KIF20B: variants seen among roughly 807,000 people sequenced by gnomAD.
KIF20B encodes kinesin family member 20B.
KIF20B carries 188 observed loss-of-function variants against 232.5 expected under a neutral mutation model. The ratio of observed to expected loss-of-function variants is 0.81; its 90% CI spans 0.72 to 0.91. KIF20B has a LOEUF of 0.91. Ranked by LOEUF, KIF20B falls within the 40% of genes least tolerant of loss-of-function variation. KIF20B has a pLI of 0.00. For synonymous variants in KIF20B, 712 were observed against 683.0 expected (o/e 1.04, Z -0.66); for missense variants, 2,154 against 2,055.9 (o/e 1.05, Z -0.92).
intron 8 of KIF20B, 44 bp from the exon 9 acceptor site, chr10:89,716,392 C>G (rs1454120888): frequency 1.2e-5 from 10 of 833,958 alleles, no homozygotes; most frequent in Admixed American, 1.1e-4. Context: ...AGAACACATT[C>G]TTTGTCTCAA....
intron 13 of KIF20B, among the ~76,000 whole-genome samples, chr10:89,719,914 A>C (rs1162068825): frequency 6.6e-6 from 1 of 152,188 alleles, no homozygotes; most frequent in Admixed American, 6.5e-5. Context: ...TTACCATTTT[A>C]TGAGTATGTG....
chr10:89,761,938 G>A (rs927154402), intron 28 of KIF20B, among the ~76,000 whole-genome samples: 5 of 152,192 alleles, frequency 3.3e-5, no homozygotes, highest in Middle Eastern at 3.4e-3. Context: ...GTATGTTCTT[G>A]CCTTCATGTA....
intron 31 of KIF20B, among the ~76,000 whole-genome samples, chr10:89,769,318 G>A (rs1842424421): frequency 6.6e-6 from 1 of 151,798 alleles, no homozygotes; most frequent in South Asian, 2.1e-4. Context: ...GTTTTTGGTT[G>A]GGGCAGGAAA....
chr10:89,756,278 G>C (rs1377416900), intron 26 of KIF20B, among the ~76,000 whole-genome samples: 1 of 152,162 alleles, frequency 6.6e-6, no homozygotes, highest in Non-Finnish European at 1.5e-5. Flanking sequence ...CTAGCACATA[G>C]AATTCCTGTA....
chr10:89,728,692 C>T (rs984012709), intron 17 of KIF20B, among the ~76,000 whole-genome samples: 139 of 151,804 alleles, frequency 9.2e-4, no homozygotes, highest in African/African-American at 3.2e-3. Flanking sequence ...TCAGTGGAGA[C>T]GGGCTTTCAC....
intron 25 of KIF20B, 31 bp downstream of exon 25, chr10:89,752,722 A>G: frequency 6.9e-7 from 1 of 1,444,424 alleles, no homozygotes; most frequent in Non-Finnish European, 9.2e-7. Context: ...TTATGTATGA[A>G]TGTATCTGTC....
intron 2 of KIF20B, among the ~76,000 whole-genome samples, chr10:89,706,740 T>C (rs1842732041): frequency 6.6e-6 from 1 of 152,120 alleles, no homozygotes; most frequent in South Asian, 2.1e-4. Flanking sequence ...TATGTGGATC[T>C]ATTTCTGGAT....
Position 89,737,878 on chromosome 10 carries a change from T to G in KIF20B, c.3037T>G (p.Ser1013Ala), listed in dbSNP as rs1441119412. ...AGATTTGCTCAATCTCAGGGATCTG[T>G]CAAATGGTTCTGAGGAGGATAATTT... ...NIDLLNLRDL[S>A]NGSEEDNLPN... The change falls in exon 20 of 33, where the codon TCA becomes GCA. Residue 1013 changes from serine (S) to alanine (A), a missense_variant. Physicochemically the swap from Ser to Ala is moderately conservative, Grantham distance 99 (BLOSUM62 1). Coordinates refer to ENST00000371728, the MANE Select transcript of KIF20B (RefSeq NM_001284259.2). 8 of 1,613,340 alleles carry G rather than the reference T, an allele frequency of 5.0e-6. No individual in the cohort carries two copies. In the African/African-American group the frequency reaches 1.1e-4, roughly 22 times the overall value.
At chr10:89,747,610 A>G (rs1392873897) in intron 23 of KIF20B, among the ~76,000 whole-genome samples, 2 of 150,800 alleles carry the variant, frequency 1.3e-5, no homozygotes, top group Non-Finnish European at 2.9e-5. Context: ...GTTGGAAATC[A>G]TCATTCTCAG....
At chr10:89,737,010 C>G (rs1841667905) in intron 19 of KIF20B, among the ~76,000 whole-genome samples, 1 of 152,004 alleles carries the variant, frequency 6.6e-6, no homozygotes, top group Non-Finnish European at 1.5e-5. Flanking sequence ...GAATGTCTGC[C>G]TAGGGTTTCT....
intron 6 of KIF20B, among the ~76,000 whole-genome samples, chr10:89,711,712 A>G (rs989390543): frequency 3.3e-5 from 5 of 152,002 alleles, no homozygotes; most frequent in African/African-American, 9.7e-5. Flanking sequence ...AGATCTTACT[A>G]TGCTTACCAT....
intron 13 of KIF20B, among the ~76,000 whole-genome samples, chr10:89,720,730 G>C (rs1038734182): frequency 6.6e-6 from 1 of 152,060 alleles, no homozygotes; most frequent in Non-Finnish European, 1.5e-5. Flanking sequence ...TTTTGAGAGA[G>C]GGTCTTGCCC....
chr10:89,715,503 A>G (rs916243815), intron 8 of KIF20B, among the ~76,000 whole-genome samples: 1 of 152,182 alleles, frequency 6.6e-6, no homozygotes, highest in African/African-American at 2.4e-5. Flanking sequence ...AAATGTTACT[A>G]TTCTTCCGGA....
At position 89,723,834 on chromosome 10, in the gene KIF20B, T is replaced by G. The variant is rs373472092; in HGVS notation, c.1723-130T>G. 1.4e-5 allele frequency: 11 copies of G among 780,584 alleles called. No individual in the cohort carries two copies. In the African/African-American group the frequency reaches 1.8e-4, roughly 13 times the overall value. 48.4% of individuals were successfully genotyped at this position (780,584 alleles called of 1,614,324 possible). A position where few individuals can be genotyped will look rare whatever the true frequency, so the allele number is the denominator to read the frequency against. Reference sequence around the variant, plus strand: ...AACATATAATTTTCAGTGAGAACATTATCACTATTAAAAAGGACACAGAAT... The same window carrying G: ...AACATATAATTTTCAGTGAGAACATGATCACTATTAAAAAGGACACAGAAT... On this transcript the variant is annotated intron_variant, in intron 13 of 32. Transcript: ENST00000371728.
Position 89,757,036 on chromosome 10 carries a change from G to GTATATA in KIF20B, c.4504-1669_4504-1668insATATAT, listed in dbSNP as rs1227383713. On this transcript the variant is annotated intron_variant, in intron 26 of 32. Coordinates refer to ENST00000371728, the MANE Select transcript of KIF20B (RefSeq NM_001284259.2). ...ATATATCTCTGTTGTGTGTGTGTGT[G>GTATATA]TGTGTATATATATATATATATATAT... is the stretch of plus-strand genomic sequence containing the variant. Among the ~76,000 whole-genome samples, 5 of 82,234 alleles carry GTATATA rather than the reference G, an allele frequency of 6.1e-5. No homozygotes were observed. The East Asian group carries it at 2.4e-3, about 39-fold the overall frequency. The allele number at this position is 82,234 out of a possible 152,430, so 53.9% of individuals were successfully genotyped here. A position where few individuals can be genotyped will look rare whatever the true frequency, so the allele number is the denominator to read the frequency against.
At chr10:89,726,972 ATT>A (rs772897647) in intron 16 of KIF20B, among the ~76,000 whole-genome samples, 1 of 142,346 alleles carries the variant, frequency 7.0e-6, no homozygotes. Context: ...CAGCGGCTGC[ATT>A]TTTTTTTTTT....
chr10:89,768,367 T>C lies in KIF20B; in HGVS notation c.5067T>C (p.Asn1689=). 6.3e-7 allele frequency: 1 copy of C among 1,584,480 alleles called. No homozygotes were observed. Among genetic ancestry groups the C allele is most frequent in the Non-Finnish European group, 8.6e-7 (1 of 1,163,136 alleles). ...AATTTCCTATTTCAGATGATAGAAA[T>C]TCTTCTGTCAAAAAGGAACAAAAGG... ...NLKFPISDDR[N]SSVKKEQKVA... The change falls in exon 30 of 33, where the codon AAT becomes AAC. Residue 1689 remains asparagine (N), a synonymous_variant. Coordinates refer to ENST00000371728, the MANE Select transcript of KIF20B (RefSeq NM_001284259.2).
At chr10:89,720,855 G>A (rs1167717803) in intron 13 of KIF20B, among the ~76,000 whole-genome samples, 1 of 152,128 alleles carries the variant, frequency 6.6e-6, no homozygotes, top group African/African-American at 2.4e-5. Context: ...ATAGGCATGC[G>A]TAACCATACC....
chr10:89,715,836 C>A (rs921324778), intron 8 of KIF20B, among the ~76,000 whole-genome samples: 3 of 151,650 alleles, frequency 2.0e-5, no homozygotes, highest in African/African-American at 4.8e-5. Flanking sequence ...ACAAAAAATA[C>A]AAAAATTAGC....
Sources: gnomAD v4.1 joint callset for allele counts (sites outside exome capture counted in the v4.1 genomes callset) on GRCh38, gnomAD v4.1.1 for gene constraint, MANE v1.5 for transcripts, NCBI Gene and HGNC (gene_info 2026-07-23, HGNC 2026-07-21) for gene names.